The following DENND2B variants were observed in gnomAD, a reference collection of about 807,000 sequenced individuals.
DENND2B encodes DENN domain containing 2B, also known as DENN domain-containing protein 2B.
A neutral mutation model predicts 116.0 loss-of-function variants in DENND2B; 32 were observed. That is an observed-to-expected ratio of 0.28 (90% CI 0.21 to 0.37). The LOEUF is 0.37. Among genes scored for constraint, DENND2B ranks in the 10% least tolerant of loss-of-function variants. The pLI, the probability that DENND2B is intolerant of heterozygous loss-of-function variation, is 1.00. For missense variants in DENND2B, 1,276 were observed against 1,477.7 expected (o/e 0.86, Z 2.24); for synonymous variants, 588 against 583.9 (o/e 1.01, Z -0.10).
chr11:8,906,636 AT>A (rs1468976681), intron 1 of DENND2B, among the ~76,000 whole-genome samples: 1 of 152,018 alleles, frequency 6.6e-6, no homozygotes, highest in African/African-American at 2.4e-5. Flanking sequence ...TCTGCAACCA[AT>A]TTTTTTAACT....
At chr11:8,732,927 G>A (rs1189486809) in intron 2 of DENND2B, among the ~76,000 whole-genome samples, 3 of 152,196 alleles carry the variant, frequency 2.0e-5, no homozygotes, top group Non-Finnish European at 4.4e-5. Flanking sequence ...GTCACTGCTC[G>A]CTCACACACA....
rs899652455 is a variant in DENND2B at position 8,712,622 on chromosome 11, C to A, written c.2101G>T (p.Val701Leu). The change falls in exon 9 of 20, where the codon GTG becomes TTG. Residue 701 changes from valine (V) to leucine (L), a missense_variant. By Grantham distance (32) the Val-to-Leu change is conservative (BLOSUM62 1). Around this residue, in one of 2 missense-constraint regions of DENND2B, gnomAD observed 420 missense variants for 631.1 expected, o/e 0.67. Coordinates refer to ENST00000313726, the MANE Select transcript of DENND2B (RefSeq NM_213618.2). The surrounding 1 kb of genome is among the most constrained non-coding windows in gnomAD (Gnocchi z 4.4). Reference protein sequence around the residue: ...WQERELFEYFVVVSLKKKPSR... With the variant: ...WQERELFEYFLVVSLKKKPSR... ...GGCTTCTTCTTGAGGGACACCACCA[C>A]AAAGTACTCAAAAAGCTCCCGCTCC... is the stretch of plus-strand genomic sequence containing the variant. The A allele has an allele frequency of 1.3e-6, 2 of 1,568,192 alleles. No individual in the cohort carries two copies. Among genetic ancestry groups the A allele is most frequent in the Non-Finnish European group, 1.7e-6 (2 of 1,155,950 alleles).
chr11:8,841,754 G>A (rs999745185), intron 3 of DENND2B, among the ~76,000 whole-genome samples: 20 of 152,078 alleles, frequency 1.3e-4, no homozygotes, highest in Non-Finnish European at 2.4e-4. Flanking sequence ...CACTTCTTCC[G>A]AACCACCACC....
chr11:8,788,340 CA>C (rs1023381570), intron 1 of DENND2B, among the ~76,000 whole-genome samples: 1 of 152,180 alleles, frequency 6.6e-6, no homozygotes, highest in African/African-American at 2.4e-5. Context: ...CTATGTATCA[CA>C]ATTCTTTTCC....
chr11:8,702,794 C>T lies in DENND2B; in HGVS notation c.2572-74G>A. 3.3e-6 allele frequency: 5 copies of T among 1,505,588 alleles called. No individual in the cohort carries two copies. The South Asian group carries it at 5.8e-5, about 18-fold the overall frequency. 93.3% of individuals were successfully genotyped at this position (1,505,588 alleles called of 1,614,324 possible). On this transcript the variant is annotated intron_variant, in intron 13 of 19. Coordinates refer to ENST00000313726, the MANE Select transcript of DENND2B (RefSeq NM_213618.2). The surrounding 1 kb of genome is among the most constrained non-coding windows in gnomAD (Gnocchi z 4.6). ...TGCCCTCTGGCCCTCCACGAAGCAACTGGAGCTGCTTTCCCCTTCCAACCT... is the reference window on the plus strand; with the variant it reads ...TGCCCTCTGGCCCTCCACGAAGCAATTGGAGCTGCTTTCCCCTTCCAACCT...
At chr11:8,711,347 A>C in intron 9 of DENND2B, 116 bp from the exon 10 acceptor site, 1 of 804,278 alleles carries the variant, frequency 1.2e-6, no homozygotes, top group Non-Finnish European at 2.1e-6. Flanking sequence ...GCATGATCTC[A>C]GCAACCCTTG....
At chr11:8,907,821 G>A (rs1421845375) in intron 1 of DENND2B, among the ~76,000 whole-genome samples, 1 of 151,976 alleles carries the variant, frequency 6.6e-6, no homozygotes, top group Non-Finnish European at 1.5e-5. Flanking sequence ...TCAACCTCCC[G>A]AGTAGCTAGG....
At chr11:8,883,526 G>A (rs1160319685) in intron 1 of DENND2B, among the ~76,000 whole-genome samples, 1 of 151,862 alleles carries the variant, frequency 6.6e-6, no homozygotes, top group Non-Finnish European at 1.5e-5. Flanking sequence ...TCTTTTTCTT[G>A]TTGAACTGAT....
intron 14 of DENND2B, chr11:8,700,152 C>CT: frequency 5.4e-6 from 2 of 372,742 alleles, no homozygotes; most frequent in Non-Finnish European, 1.1e-5. Context: ...TCCAGGCTCT[C>CT]TTAGGGGCCA....
chr11:8,720,875 A>G (rs2046045739), intron 4 of DENND2B, among the ~76,000 whole-genome samples: 2 of 152,208 alleles, frequency 1.3e-5, no homozygotes, highest in Non-Finnish European at 2.9e-5. Context: ...GGTGTGCAGA[A>G]CATCCTAGGG....
In DENND2B at chr11:8,717,841, C is replaced by T; in HGVS notation, c.1529G>A (p.Arg510Lys). Residue 510 changes from arginine (R) to lysine (K), a missense_variant, in exon 5 of 20, where the codon AGA becomes AAA. By Grantham distance (26) the Arg-to-Lys change is conservative (BLOSUM62 2). Transcript: ENST00000313726. ...CAGTTGCTGGGATTTTCGTCCTGCT[C>T]TTCGGCTCTTTAAGTCCACATCCTC... ...PYEDVDLKSR[R>K]AGRKSQQLSE... 2 of 1,613,568 alleles carry T rather than the reference C, an allele frequency of 1.2e-6. No homozygotes were observed. Among genetic ancestry groups the T allele is most frequent in the South Asian group, 2.2e-5 (2 of 91,058 alleles).
rs139563052 is a variant in DENND2B at position 8,787,842 on chromosome 11, C to G, written c.-26+22675G>C. ...GAAGAATTATTTCAAGTTTTAATTT[C>G]TAGCTCATCTACAAATCCACGACTT... On this transcript the variant is annotated intron_variant, in intron 1 of 19. Coordinates refer to ENST00000313726, the MANE Select transcript of DENND2B (RefSeq NM_213618.2). Among the ~76,000 whole-genome samples the G allele has an allele frequency of 3.2e-3, 492 of 152,324 alleles. 3 individuals are homozygous for G. The Middle Eastern group carries it at 0.034, about 11-fold the overall frequency.
intron 1 of DENND2B, among the ~76,000 whole-genome samples, chr11:8,895,061 A>G (rs1311713786): frequency 6.6e-6 from 1 of 152,222 alleles, no homozygotes; most frequent in African/African-American, 2.4e-5. Context: ...ATGGAATACT[A>G]TGCAGCCATA....
chr11:8,876,053 G>A (rs1286208858), upstream of DENND2B, among the ~76,000 whole-genome samples: 1 of 152,118 alleles, frequency 6.6e-6, no homozygotes, highest in African/African-American at 2.4e-5. Context: ...ATTAACATAA[G>A]TTACAGGGTT....
At chr11:8,749,023 T>C (rs2051835918) in intron 2 of DENND2B, among the ~76,000 whole-genome samples, 1 of 152,162 alleles carries the variant, frequency 6.6e-6, no homozygotes, top group South Asian at 2.1e-4. Flanking sequence ...TTCTTTAAAA[T>C]TACAAATAAA....
intron 3 of DENND2B, among the ~76,000 whole-genome samples, chr11:8,842,991 G>A (rs1016246205): frequency 6.7e-6 from 1 of 148,954 alleles, no homozygotes; most frequent in Non-Finnish European, 1.5e-5. Flanking sequence ...CTCAAATTTT[G>A]GCTCCAAAAT....
intron 4 of DENND2B, among the ~76,000 whole-genome samples, chr11:8,817,684 T>C (rs2061616320): frequency 6.6e-6 from 1 of 152,114 alleles, no homozygotes; most frequent in Admixed American, 6.5e-5. Flanking sequence ...CAGCCCTAGT[T>C]CACCTCCGCT....
intron 4 of DENND2B, among the ~76,000 whole-genome samples, chr11:8,836,436 T>TTC: frequency 6.9e-6 from 1 of 145,826 alleles, no homozygotes; most frequent in Non-Finnish European, 1.5e-5. Context: ...TTTTTTTTTT[T>TTC]TCTGAGACGG....
At chr11:8,841,296 A>T (rs929123390) in intron 3 of DENND2B, among the ~76,000 whole-genome samples, 1 of 152,124 alleles carries the variant, frequency 6.6e-6, no homozygotes, top group Admixed American at 6.5e-5. Flanking sequence ...AAAATTTAAA[A>T]TTTTTCCTAT....
Sources: gnomAD v4.1 joint callset for allele counts (sites outside exome capture counted in the v4.1 genomes callset) on GRCh38, gnomAD v4.1.1 for gene constraint, gnomAD v4.1.1 regional missense constraint, Gnocchi (gnomAD v3.1) non-coding constraint, MANE v1.5 for transcripts, NCBI Gene and HGNC (gene_info 2026-07-23, HGNC 2026-07-21) for gene names.